C4orf51: variants seen among roughly 807,000 people sequenced by gnomAD.
The protein encoded by C4orf51 is uncharacterized protein C4orf51.
Under a neutral mutation model 25.2 loss-of-function variants are expected in C4orf51, and 25 were observed. The ratio of observed to expected loss-of-function variants is 0.99; its 90% CI spans 0.72 to 1.39. The LOEUF (loss-of-function observed/expected upper bound fraction) is 1.39. Among genes scored for constraint, C4orf51 ranks in the 40% most tolerant of loss-of-function variants. The probability of loss-of-function intolerance (pLI) is 0.00; values close to 1 mark genes in which losing one functional copy is unlikely to be tolerated. For missense variants in C4orf51, 252 were observed against 239.6 expected, an observed-to-expected ratio of 1.05 and a Z score of -0.34; for synonymous variants, 100 against 84.5, an observed-to-expected ratio of 1.18 and a Z score of -1.01.
chr4:145,692,908 T>A (rs1477761498), intron 1 of C4orf51, among the ~76,000 whole-genome samples: 2 of 149,318 alleles, frequency 1.3e-5, no homozygotes, highest in Non-Finnish European at 3.0e-5. Flanking sequence ...GGATACACAC[T>A]GCATCTGTGA....
chr4:145,789,938 T>G, the C4orf51 span, among the ~76,000 whole-genome samples: 1 of 152,262 alleles, frequency 6.6e-6, no homozygotes, highest in Non-Finnish European at 1.5e-5. Flanking sequence ...CAACTCCTCT[T>G]TGGCCTCTTC....
the C4orf51 span, among the ~76,000 whole-genome samples, chr4:145,783,103 C>G: frequency 6.6e-6 from 1 of 152,152 alleles, no homozygotes; most frequent in East Asian, 1.9e-4. Context: ...ATATAAAGCA[C>G]CCAGCATAGT....
chr4:145,743,887 T>C (rs1733226150), intron 1 of C4orf51, among the ~76,000 whole-genome samples: 1 of 152,244 alleles, frequency 6.6e-6, no homozygotes, highest in Non-Finnish European at 1.5e-5. Context: ...GAAATCCCAC[T>C]CATTCTTTAG....
the C4orf51 span, among the ~76,000 whole-genome samples, chr4:145,777,514 A>G: frequency 6.6e-6 from 1 of 152,136 alleles, no homozygotes; most frequent in Non-Finnish European, 1.5e-5. Context: ...CTTTGGGTCA[A>G]TTTTAGTCAT....
At chr4:145,693,812 C>T (rs1244202492) in intron 1 of C4orf51, among the ~76,000 whole-genome samples, 2 of 61,128 alleles carry the variant, frequency 3.3e-5, no homozygotes, top group African/African-American at 1.4e-4. Flanking sequence ...CCTCACCTCC[C>T]GGACGGGGCG....
At chr4:145,721,948 C>G (rs1560846384) in intron 2 of C4orf51, among the ~76,000 whole-genome samples, 1 of 152,166 alleles carries the variant, frequency 6.6e-6, no homozygotes, top group Non-Finnish European at 1.5e-5. Context: ...AGCTATAGCT[C>G]AAATGTAATT....
chr4:145,748,873 G>A (rs932545983), intron 1 of C4orf51, among the ~76,000 whole-genome samples: 24 of 151,874 alleles, frequency 1.6e-4, no homozygotes, highest in African/African-American at 5.3e-4. Flanking sequence ...TATAAATATC[G>A]ATTAGGTCCA....
At chr4:145,732,850 G>C (rs556276480), downstream of C4orf51, 1 of 217,800 alleles carries the variant, frequency 4.6e-6, no homozygotes, top group South Asian at 1.1e-4. Flanking sequence ...CTGCGGCCCC[G>C]ACCGTCGGGG....
At chr4:145,734,170 C>G (rs1214686741), downstream of C4orf51, among the ~76,000 whole-genome samples, 2 of 152,200 alleles carry the variant, frequency 1.3e-5, no homozygotes, top group African/African-American at 4.8e-5. Flanking sequence ...TCCACCATTC[C>G]TTAACCCCCA....
At chr4:145,745,490 C>A (rs1047563132) in intron 1 of C4orf51, among the ~76,000 whole-genome samples, 18 of 152,002 alleles carry the variant, frequency 1.2e-4, no homozygotes, top group African/African-American at 4.3e-4. Context: ...TGTCTATGTC[C>A]AGCTTATTTC....
chr4:145,727,273 TC>T lies in C4orf51; in HGVS notation c.366+305del, dbSNP rs140692430. Among the ~76,000 whole-genome samples the T allele has an allele frequency of 4.9e-3, 750 of 152,286 alleles. 7 individuals are homozygous for T. Among genetic ancestry groups the T allele is most frequent in the African/African-American group, 0.017 (690 of 41,540 alleles). On this transcript the variant is annotated intron_variant, in intron 3 of 5. Transcript: ENST00000438731. ...TATACTGGCAGTTAAAAATAACTTT[TC>T]TCTGGCTGTAAACATTCAAATAATA...
chr4:145,703,028 T>G (rs2126709247), intron 2 of C4orf51, among the ~76,000 whole-genome samples: 1 of 151,964 alleles, frequency 6.6e-6, no homozygotes, highest in East Asian at 1.9e-4. Context: ...TTTGTTTTAT[T>G]TTTCTTATTA....
intron 1 of C4orf51, among the ~76,000 whole-genome samples, chr4:145,684,614 A>T (rs1180424648): frequency 6.6e-6 from 1 of 152,196 alleles, no homozygotes; most frequent in Non-Finnish European, 1.5e-5. Flanking sequence ...CTGATAATTG[A>T]TGTGTCTGTG....
rs1302553516 is a variant in C4orf51, at chr4:145,763,533, C to A, written n.167-7455C>A. 6.6e-6 allele frequency among the ~76,000 whole-genome samples: 1 copy of A among 152,192 alleles called. No individual in the cohort carries two copies. Among genetic ancestry groups the A allele is most frequent in the African/African-American group, 2.4e-5 (1 of 41,442 alleles). ...CTGTACCAGCAAAAGCATCAGAATT[C>A]ACTGTGCATTCTCCCCAATGGCTTC... On this transcript the variant is annotated intron_variant and non_coding_transcript_variant, in intron 1 of 1. Transcript: ENST00000510096. The surrounding 1 kb of genome is among the most constrained non-coding windows in gnomAD (Gnocchi z 4.6).
At chr4:145,701,918 T>C (rs1179612851) in intron 2 of C4orf51, among the ~76,000 whole-genome samples, 3 of 152,070 alleles carry the variant, frequency 2.0e-5, no homozygotes, top group African/African-American at 4.8e-5. Context: ...ATCTCATTGC[T>C]ACCCTTCTCC....
In C4orf51 at chr4:145,696,002, C is replaced by T. The variant is rs145656719; in HGVS notation, c.234-557C>T. ...TAAAGAAGGAAACAACATGGCCAGG[C>T]GCAGTGGCTCATGCCTGTAATCCCA... On this transcript the variant is annotated intron_variant, in intron 1 of 5. Transcript: ENST00000438731. Among the ~76,000 whole-genome samples the T allele has an allele frequency of 5.1e-3, 783 of 152,240 alleles. 3 individuals carry two copies. Among genetic ancestry groups the T allele is most frequent in the African/African-American group, 0.017 (718 of 41,550 alleles).
At chr4:145,738,239 C>T (rs571282171) in intron 1 of C4orf51, among the ~76,000 whole-genome samples, 2 of 152,212 alleles carry the variant, frequency 1.3e-5, no homozygotes, top group African/African-American at 4.8e-5. Context: ...TGCCTGAGGT[C>T]AGGAGTTCAA....
chr4:145,699,071 A>G (rs1014646144), intron 2 of C4orf51, among the ~76,000 whole-genome samples: 60 of 150,686 alleles, frequency 4.0e-4, no homozygotes, highest in African/African-American at 1.3e-3. Context: ...AGCACCTTGC[A>G]ACCCCCACTC....
the C4orf51 span, among the ~76,000 whole-genome samples, chr4:145,776,996 T>A: frequency 6.6e-6 from 1 of 152,198 alleles, no homozygotes; most frequent in East Asian, 1.9e-4. Flanking sequence ...TAGCAGAAGA[T>A]GAAGGAAAGA....
Sources: allele counts gnomAD v4.1 joint callset (sites outside exome capture counted in the v4.1 genomes callset), GRCh38; gene constraint gnomAD v4.1.1; non-coding constraint Gnocchi (gnomAD v3.1); transcripts MANE v1.5; gene names NCBI Gene and HGNC (gene_info 2026-07-23, HGNC 2026-07-21).